Variants in MPP7 observed in about 807,000 individuals in gnomAD.
MPP7 encodes the protein MAGUK p55 subfamily member 7.
MPP7 carries 60 observed loss-of-function variants against 76.5 expected under a neutral mutation model. That is an observed-to-expected ratio of 0.78 (90% CI 0.64 to 0.97). The LOEUF (loss-of-function observed/expected upper bound fraction) is 0.97, where lower values mean the gene tolerates loss of function less well. Ranked by LOEUF, MPP7 falls within the 50% of genes least tolerant of loss-of-function variation. MPP7 has a pLI of 0.00. For missense variants in MPP7, 641 were observed against 694.0 expected, an observed-to-expected ratio of 0.92 and a Z score of 0.86; for synonymous variants, 237 against 244.5, an observed-to-expected ratio of 0.97 and a Z score of 0.29.
intron 2 of MPP7, among the ~76,000 whole-genome samples, chr10:28,216,218 A>G (rs955582313): frequency 2.0e-5 from 3 of 152,118 alleles, no homozygotes; most frequent in Admixed American, 2.0e-4. Context: ...TTTCTAAAAA[A>G]AAAAAGGAGG....
intron 3 of MPP7, among the ~76,000 whole-genome samples, chr10:28,199,631 G>A (rs1440351531): frequency 1.3e-5 from 2 of 151,744 alleles, no homozygotes; most frequent in Non-Finnish European, 1.5e-5. Context: ...TTTTTTAAGA[G>A]ACAGAGTCTC....
intron 1 of MPP7, among the ~76,000 whole-genome samples, chr10:28,292,604 G>A (rs145766310): frequency 6.4e-4 from 98 of 152,308 alleles, no homozygotes; most frequent in African/African-American, 2.3e-3. Flanking sequence ...CAGTTCATCT[G>A]TGGTCAATGG....
chr10:28,148,308 T>G (rs1431229319), intron 4 of MPP7, among the ~76,000 whole-genome samples: 1 of 152,104 alleles, frequency 6.6e-6, no homozygotes, highest in Non-Finnish European at 1.5e-5. Context: ...CCTATCAAAA[T>G]TCCCATTCAA....
chr10:28,204,833 T>C (rs1837898448), intron 2 of MPP7, among the ~76,000 whole-genome samples: 1 of 152,192 alleles, frequency 6.6e-6, no homozygotes, highest in Admixed American at 6.5e-5. Context: ...TGGTTCAAAG[T>C]CAAACAATAG....
At chr10:28,290,396 T>C (rs557340820) in intron 1 of MPP7, among the ~76,000 whole-genome samples, 1 of 152,054 alleles carries the variant, frequency 6.6e-6, no homozygotes, top group South Asian at 2.1e-4. Flanking sequence ...TACCTTCAAT[T>C]TATGGCCAGT....
chr10:28,179,760 T>C (rs562887421), intron 3 of MPP7, among the ~76,000 whole-genome samples: 8 of 152,262 alleles, frequency 5.3e-5, no homozygotes, highest in Admixed American at 3.3e-4. Flanking sequence ...AGGCACACAA[T>C]AGTGGCTAGC....
At chr10:28,318,176 A>G (rs1834338703) in intron 2 of MPP7, among the ~76,000 whole-genome samples, 1 of 152,226 alleles carries the variant, frequency 6.6e-6, no homozygotes, top group Non-Finnish European at 1.5e-5. Flanking sequence ...ACTGAAATAA[A>G]GAATCCCACT....
intron 3 of MPP7, among the ~76,000 whole-genome samples, chr10:28,155,554 T>A (rs1362410062): frequency 7.1e-6 from 1 of 141,536 alleles, no homozygotes; most frequent in Non-Finnish European, 1.5e-5. Context: ...GCTCAGATTG[T>A]GCCACCACAC....
chr10:28,072,298 G>A (rs1271183137), intron 12 of MPP7, among the ~76,000 whole-genome samples: 2 of 151,984 alleles, frequency 1.3e-5, no homozygotes, highest in East Asian at 3.9e-4. Flanking sequence ...ATAAAGAATA[G>A]TATGTGGGAT....
chr10:28,187,267 T>C (rs1837268481), intron 3 of MPP7, among the ~76,000 whole-genome samples: 1 of 152,212 alleles, frequency 6.6e-6, no homozygotes, highest in South Asian at 2.1e-4. Flanking sequence ...GGGCAACATA[T>C]GGCCACCATT....
intron 1 of MPP7, among the ~76,000 whole-genome samples, chr10:28,244,786 G>A (rs568708502): frequency 2.0e-5 from 3 of 152,258 alleles, no homozygotes; most frequent in East Asian, 1.9e-4. Context: ...TGCCAGGAAG[G>A]AGTATTAACC....
rs771790218 is a variant in MPP7, at chr10:28,120,300, T to C, written c.781A>G (p.Ile261Val). ...TCATCTTGGCTCATAATCTGAAGAATATCTCCCTTTTTGAAAGAAAGCCCA... is the reference window on the plus strand; with the variant it reads ...TCATCTTGGCTCATAATCTGAAGAACATCTCCCTTTTTGAAAGAAAGCCCA... ...EAGLSFKKGDILQIMSQDDAT... is the reference protein window; with the variant it reads ...EAGLSFKKGDVLQIMSQDDAT... The change falls in exon 10 of 17, where the codon ATT (isoleucine) becomes GTT (valine). Residue 261 changes from isoleucine to valine, a missense_variant. Transcript: ENST00000683449. 4 of 1,614,046 alleles carry C rather than the reference T, an allele frequency of 2.5e-6. No homozygotes were observed. Among genetic ancestry groups the C allele is most frequent in the Non-Finnish European group, 3.4e-6 (4 of 1,179,942 alleles).
chr10:28,086,855 G>A (rs949699731), intron 12 of MPP7, among the ~76,000 whole-genome samples: 22 of 152,098 alleles, frequency 1.4e-4, no homozygotes, highest in Admixed American at 6.6e-4. Flanking sequence ...TCTGGACAGC[G>A]CACAAAAGGC....
intron 11 of MPP7, among the ~76,000 whole-genome samples, chr10:28,108,584 G>A (rs1276087240): frequency 6.6e-6 from 1 of 152,058 alleles, no homozygotes; most frequent in African/African-American, 2.4e-5. Flanking sequence ...TTGAGCCTGG[G>A]AGGCGGAGGT....
chr10:28,197,420 T>A (rs1204269379), intron 3 of MPP7, among the ~76,000 whole-genome samples: 3 of 152,060 alleles, frequency 2.0e-5, no homozygotes, highest in African/African-American at 7.2e-5. Flanking sequence ...TGACCTCAAG[T>A]GATCCACCTG....
At chr10:28,203,211 C>T (rs1837837949) in intron 2 of MPP7, 1 of 152,154 alleles carries the variant, frequency 6.6e-6, no homozygotes, top group African/African-American at 2.4e-5. Flanking sequence ...CCTCCTGGGA[C>T]CTACAACACA....
chr10:28,301,253 C>T (rs1022582608), intron 1 of MPP7, among the ~76,000 whole-genome samples: 1 of 152,134 alleles, frequency 6.6e-6, no homozygotes, highest in East Asian at 1.9e-4. Flanking sequence ...TTTCCTTCTG[C>T]ATATCAATTA....
At chr10:28,234,797 TTTTTG>T (rs1839013915) in intron 2 of MPP7, among the ~76,000 whole-genome samples, 1 of 112,148 alleles carries the variant, frequency 8.9e-6, no homozygotes, top group Non-Finnish European at 2.0e-5. Flanking sequence ...ATTTTGTTGT[TTTTTG>T]TTTTGTTTTG....
At chr10:28,060,049 CCTTTT>C (rs1588708999) in intron 13 of MPP7, among the ~76,000 whole-genome samples, 1 of 139,366 alleles carries the variant, frequency 7.2e-6, no homozygotes, top group Non-Finnish European at 1.5e-5. Context: ...AGGAAAAAAA[CCTTTT>C]TTTTTTTTTT....
Sources: allele counts gnomAD v4.1 joint callset (sites outside exome capture counted in the v4.1 genomes callset), GRCh38; gene constraint gnomAD v4.1.1; transcripts MANE v1.5; gene names NCBI Gene and HGNC (gene_info 2026-07-23, HGNC 2026-07-21).